The following ACOT12 variants were observed in gnomAD, a reference collection of about 807,000 sequenced individuals.
ACOT12 encodes the protein acetyl-coenzyme A thioesterase.
ACOT12 carries 51 observed loss-of-function variants against 67.7 expected under a neutral mutation model. The ratio of observed to expected loss-of-function variants is 0.75; its 90% CI spans 0.60 to 0.95. The LOEUF (loss-of-function observed/expected upper bound fraction) is 0.95. Ranked by LOEUF, ACOT12 falls within the 40% of genes least tolerant of loss-of-function variation. The probability of loss-of-function intolerance (pLI) is 0.00; values close to 1 mark genes in which losing one functional copy is unlikely to be tolerated. For synonymous variants in ACOT12, 251 were observed against 244.6 expected (o/e 1.03, Z -0.24); for missense variants, 734 against 708.1 (o/e 1.04, Z -0.41).
chr5:81,328,328 A>T (rs1042152941), downstream of ACOT12, among the ~76,000 whole-genome samples: 14 of 152,022 alleles, frequency 9.2e-5, no homozygotes, highest in Admixed American at 7.9e-4. Context: ...TATTAATTTT[A>T]TTTATGATGT....
At chr5:81,342,473 A>T (rs1340480598) in intron 11 of ACOT12, among the ~76,000 whole-genome samples, 199 bp downstream of exon 11, 1 of 152,174 alleles carries the variant, frequency 6.6e-6, no homozygotes, top group Non-Finnish European at 1.5e-5. Flanking sequence ...AGGTAGGAGC[A>T]TGTTGGGTAT....
At chr5:81,326,117 C>CTTTTTTT (rs1199895738), downstream of ACOT12, among the ~76,000 whole-genome samples, 35 of 77,050 alleles carry the variant, frequency 4.5e-4, no homozygotes, top group South Asian at 5.7e-4. Context: ...CCCTGAGATT[C>CTTTTTTT]TTTTTTTTTT....
the ACOT12 span, among the ~76,000 whole-genome samples, chr5:81,309,891 GT>G: frequency 1.3e-5 from 2 of 152,110 alleles, no homozygotes; most frequent in Non-Finnish European, 2.9e-5. Flanking sequence ...ATTGACAGCT[GT>G]TTTTCTTTCT....
the ACOT12 span, among the ~76,000 whole-genome samples, chr5:81,310,558 GA>G: frequency 6.6e-5 from 10 of 152,112 alleles, no homozygotes; most frequent in Admixed American, 4.6e-4. Flanking sequence ...GCATGATCAA[GA>G]TAATGCTTGA....
At chr5:81,360,072 T>C in intron 4 of ACOT12, 34 bp from the exon 5 acceptor site, 1 of 1,579,064 alleles carries the variant, frequency 6.3e-7, no homozygotes, top group Non-Finnish European at 8.6e-7. Context: ...TTTTATTGCC[T>C]TGTTAAATTA....
chr5:81,344,095 G>T, intron 9 of ACOT12, 65 bp downstream of exon 9: 1 of 1,525,944 alleles, frequency 6.6e-7, no homozygotes, highest in South Asian at 1.2e-5. Flanking sequence ...CCCAGAGGGG[G>T]GCTCTTATAT....
chr5:81,355,761 C>T (rs561834096), intron 5 of ACOT12, among the ~76,000 whole-genome samples: 64 of 152,214 alleles, frequency 4.2e-4, no homozygotes, highest in African/African-American at 1.5e-3. Flanking sequence ...TTGAGTGGGC[C>T]GATGGATGCC....
At chr5:81,309,737 C>T in the ACOT12 span, among the ~76,000 whole-genome samples, 5 of 152,260 alleles carry the variant, frequency 3.3e-5, no homozygotes, top group East Asian at 7.7e-4. Context: ...GGGGCTTTGG[C>T]CAACTACCAA....
intron 5 of ACOT12, among the ~76,000 whole-genome samples, chr5:81,351,198 A>C (rs1343080872): frequency 6.6e-6 from 1 of 152,170 alleles, no homozygotes; most frequent in Non-Finnish European, 1.5e-5. Flanking sequence ...AATCCCTTTC[A>C]ATTTCTCTCT....
At chr5:81,325,422 A>G (rs1758651415), downstream of ACOT12, among the ~76,000 whole-genome samples, 1 of 152,152 alleles carries the variant, frequency 6.6e-6, no homozygotes, top group Admixed American at 6.5e-5. Context: ...GTGTGCAGGA[A>G]TGAAGTATTA....
intron 2 of ACOT12, among the ~76,000 whole-genome samples, chr5:81,380,908 A>ACCTAGGCTATACGGTATAGCCTATTGCT (rs1760564215): frequency 6.6e-6 from 1 of 152,036 alleles, no homozygotes; most frequent in Non-Finnish European, 1.5e-5. Context: ...CCTCCTACAC[A>ACCTAGGCTATACGGTATAGCCTATTGCT]CCTAGGCTAT....
At chr5:81,349,567 C>G (rs978194930) in intron 5 of ACOT12, among the ~76,000 whole-genome samples, 2 of 152,146 alleles carry the variant, frequency 1.3e-5, no homozygotes, top group African/African-American at 4.8e-5. Flanking sequence ...CTCAGTGGAG[C>G]CTTCTCTGAC....
chr5:81,319,908 A>T, the ACOT12 span, among the ~76,000 whole-genome samples: 2 of 152,076 alleles, frequency 1.3e-5, no homozygotes, highest in Non-Finnish European at 2.9e-5. Context: ...CTTTTTAAAA[A>T]ATATCATTCT....
chr5:81,377,647 A>G (rs142243132), intron 2 of ACOT12, among the ~76,000 whole-genome samples: 16,292 of 152,198 alleles, frequency 0.11, 926 homozygotes, highest in South Asian at 0.13. Flanking sequence ...CAAAGTCTCA[A>G]GATACAAAAT....
chr5:81,367,047 A>G (rs938227666), intron 3 of ACOT12, among the ~76,000 whole-genome samples: 2 of 152,156 alleles, frequency 1.3e-5, no homozygotes, highest in African/African-American at 4.8e-5. Flanking sequence ...AGCTCTAGAA[A>G]CCCAAGCCAT....
the ACOT12 span, among the ~76,000 whole-genome samples, chr5:81,323,979 T>C: frequency 1.3e-5 from 2 of 151,522 alleles, no homozygotes; most frequent in African/African-American, 4.9e-5. Context: ...TCTCACTCTG[T>C]TGGCCAGGCT....
chr5:81,369,035 T>C (rs1760165003), intron 3 of ACOT12, among the ~76,000 whole-genome samples: 3 of 152,036 alleles, frequency 2.0e-5, no homozygotes, highest in Admixed American at 2.0e-4. Flanking sequence ...ATTACAGTGG[T>C]GGTGATCCAA....
At chr5:81,367,584 C>T (rs1378674174) in intron 3 of ACOT12, among the ~76,000 whole-genome samples, 1 of 151,646 alleles carries the variant, frequency 6.6e-6, no homozygotes, top group Non-Finnish European at 1.5e-5. Context: ...AGTTAAAACA[C>T]CAACAGTGGA....
chr5:81,353,437 T>C (rs1335777431), intron 5 of ACOT12, among the ~76,000 whole-genome samples: 1 of 152,218 alleles, frequency 6.6e-6, no homozygotes, highest in Non-Finnish European at 1.5e-5. Flanking sequence ...AAGTACTGTG[T>C]CATCAACCTG....
Sources: allele counts gnomAD v4.1 joint callset (sites outside exome capture counted in the v4.1 genomes callset), GRCh38; gene constraint gnomAD v4.1.1; transcripts MANE v1.5; gene names NCBI Gene and HGNC (gene_info 2026-07-23, HGNC 2026-07-21).